Variants in PCDHA9 observed in about 807,000 individuals in gnomAD.
PCDHA9 encodes protocadherin alpha-9.
In PCDHA9, 62 loss-of-function variants were observed where a neutral mutation model predicts 62.0. The ratio of observed to expected loss-of-function variants is 1.00; its 90% CI spans 0.81 to 1.23. PCDHA9 has a LOEUF of 1.23. PCDHA9 is among the 50% of genes most tolerant of loss of function. The pLI, the probability that PCDHA9 is intolerant of heterozygous loss-of-function variation, is 0.00. For missense variants in PCDHA9, 1,205 were observed against 1,249.8 expected (o/e 0.96, Z 0.54); for synonymous variants, 557 against 567.6 (o/e 0.98, Z 0.27).
intron 1 of PCDHA9, among the ~76,000 whole-genome samples, chr5:140,908,047 C>T (rs976734426): frequency 4.6e-5 from 7 of 152,208 alleles, no homozygotes; most frequent in African/African-American, 1.7e-4. Context: ...AATTGCACAT[C>T]CGGCCATTTC....
chr5:140,879,973 C>T (rs1554171113), intron 1 of PCDHA9, among the ~76,000 whole-genome samples: 1 of 152,200 alleles, frequency 6.6e-6, no homozygotes, highest in East Asian at 1.9e-4. Context: ...GGATAAACTC[C>T]TTTCAAGATC....
At chr5:140,856,911 T>C in intron 1 of PCDHA9, 2 of 1,595,928 alleles carry the variant, frequency 1.3e-6, no homozygotes, top group South Asian at 2.2e-5. Context: ...CCACCCACGA[T>C]AAGAAGGAAA....
intron 1 of PCDHA9, chr5:140,856,396 C>G: frequency 6.3e-7 from 1 of 1,598,526 alleles, no homozygotes. Flanking sequence ...TGCAGGTTTT[C>G]CATGTGGACG....
chr5:140,945,948 C>T (rs782232521), intron 1 of PCDHA9, among the ~76,000 whole-genome samples: 6 of 151,900 alleles, frequency 3.9e-5, no homozygotes, highest in Non-Finnish European at 5.9e-5. Context: ...TTTTATATGA[C>T]CCTGAAAGCA....
intron 1 of PCDHA9, chr5:140,869,090 C>G (rs150845602): frequency 1.3e-6 from 2 of 1,589,674 alleles, no homozygotes; most frequent in African/African-American, 1.4e-5. Context: ...TTTTGGAAGC[C>G]AATTTCGTAT....
chr5:140,911,745 A>G (rs573838491), intron 1 of PCDHA9, among the ~76,000 whole-genome samples: 7 of 151,408 alleles, frequency 4.6e-5, no homozygotes, highest in Non-Finnish European at 1.0e-4. Flanking sequence ...AAGGACTATC[A>G]GTGTTCTCCA....
chr5:140,894,293 T>A (rs782004160), intron 1 of PCDHA9, among the ~76,000 whole-genome samples: 1 of 152,100 alleles, frequency 6.6e-6, no homozygotes, highest in Non-Finnish European at 1.5e-5. Context: ...TGAAGTTTAT[T>A]TTCCTGGAAA....
At chr5:140,925,690 G>A (rs1029124411) in intron 1 of PCDHA9, among the ~76,000 whole-genome samples, 6 of 149,642 alleles carry the variant, frequency 4.0e-5, no homozygotes, top group African/African-American at 7.4e-5. Context: ...GCGAGGGTGG[G>A]TATCTAGCCT....
At chr5:140,971,958 C>CT (rs1176007834) in intron 1 of PCDHA9, among the ~76,000 whole-genome samples, 3 of 152,054 alleles carry the variant, frequency 2.0e-5, no homozygotes, top group African/African-American at 4.8e-5. Context: ...ACTCCAAAAA[C>CT]TTTTTTTCAA....
intron 1 of PCDHA9, chr5:140,875,768 G>A (rs997656321): frequency 6.2e-7 from 1 of 1,614,262 alleles, no homozygotes; most frequent in Non-Finnish European, 8.5e-7. Context: ...TGCGGGCGGA[G>A]CGCGGAGTGC....
At chr5:140,887,431 A>C (rs2061444829) in intron 1 of PCDHA9, among the ~76,000 whole-genome samples, 1 of 152,112 alleles carries the variant, frequency 6.6e-6, no homozygotes, top group African/African-American at 2.4e-5. Context: ...AAGTATTTTC[A>C]CTGGGCATAG....
chr5:140,902,203 CTTT>C lies in PCDHA9; in HGVS notation c.2394+51330_2394+51332del, dbSNP rs148688132. ...TTATGTCTTCTCTCTCTCTCTCTTT[CTTT>C]TTTTTTTTTTTTTTTGAGATGAGGA... On this transcript the variant is annotated intron_variant, in intron 1 of 3. Coordinates refer to ENST00000532602, the MANE Select transcript of PCDHA9 (RefSeq NM_031857.2). Among the ~76,000 whole-genome samples, 328 of 124,424 alleles carry C rather than the reference CTTT, an allele frequency of 2.6e-3. 2 individuals are homozygous for C. Among genetic ancestry groups the C allele is most frequent in the Middle Eastern group, 0.017 (4 of 242 alleles). 81.6% of individuals were successfully genotyped at this position (124,424 alleles called of 152,430 possible).
At chr5:140,938,133 A>G (rs2091933876) in intron 1 of PCDHA9, among the ~76,000 whole-genome samples, 1 of 152,268 alleles carries the variant, frequency 6.6e-6, no homozygotes, top group South Asian at 2.1e-4. Context: ...AAAAATAGAG[A>G]TAGAGTCTCA....
intron 1 of PCDHA9, among the ~76,000 whole-genome samples, chr5:140,925,206 G>C (rs576558414): frequency 6.6e-6 from 1 of 152,116 alleles, no homozygotes; most frequent in African/African-American, 2.4e-5. Context: ...AATAATTATC[G>C]ATACTTTTAG....
At chr5:140,924,898 AAAAAAAAT>A (rs781900915) in intron 1 of PCDHA9, among the ~76,000 whole-genome samples, 16 of 53,028 alleles carry the variant, frequency 3.0e-4, no homozygotes, top group Non-Finnish European at 6.0e-4. Context: ...CTGTCTCAAA[AAAAAAAAT>A]AAAATAAAAT....
In PCDHA9 at chr5:140,850,398, C is replaced by T; in HGVS notation, c.1903C>T (p.Arg635Cys). 1.3e-6 allele frequency: 2 copies of T among 1,597,936 alleles called. No individual in the cohort carries two copies. Among genetic ancestry groups the T allele is most frequent in the Non-Finnish European group, 1.7e-6 (2 of 1,167,710 alleles). Residue 635 changes from arginine (R) to cysteine (C), a missense_variant, in exon 1 of 4, where the codon CGT becomes TGT. By Grantham distance (180) the Arg-to-Cys change is radical. Transcript: ENST00000532602. ...GLYTGEISTTRALDETDAPRQ... is the reference protein window; with the variant it reads ...GLYTGEISTTCALDETDAPRQ... ...GTACACGGGCGAGATCAGCACAACGCGTGCCCTGGACGAAACGGACGCACC... is the reference window on the plus strand; with the variant it reads ...GTACACGGGCGAGATCAGCACAACGTGTGCCCTGGACGAAACGGACGCACC...
rs1038789772 is a variant in PCDHA9, at chr5:140,894,031, G to C, written c.2394+43142G>C. On this transcript the variant is annotated intron_variant, in intron 1 of 3. Transcript: ENST00000532602. ...TTCAAATTACCAGTTCTGCATACTG[G>C]TAATGTAAGTCCTCTGTTGAATTGA... Among the ~76,000 whole-genome samples, 3 of 152,204 alleles carry C rather than the reference G, an allele frequency of 2.0e-5. No homozygotes were observed. In the South Asian group the frequency reaches 6.2e-4, roughly 32 times the overall value.
chr5:140,953,601 C>T (rs1448878513), intron 1 of PCDHA9, among the ~76,000 whole-genome samples: 3 of 152,014 alleles, frequency 2.0e-5, no homozygotes, highest in Non-Finnish European at 4.4e-5. Flanking sequence ...TTGTTTATTC[C>T]CCAGAGTCCT....
Position 140,978,839 on chromosome 5 carries a change from C to CT in PCDHA9, c.2395-104dup, listed in dbSNP as rs5871758. On this transcript the variant is annotated intron_variant, in intron 1 of 3. Transcript: ENST00000532602. ...TACACATGAAATGGCTCATTCAATA[C>CT]TTTTTTAGATGCCTGGAAATATTTA... 14,607 of 1,556,970 alleles carry CT rather than the reference C, an allele frequency of 9.4e-3. 629 individuals carry two copies. The African/African-American group carries it at 0.12, about 13-fold the overall frequency.
Sources: gnomAD v4.1 joint callset for allele counts (sites outside exome capture counted in the v4.1 genomes callset) on GRCh38, gnomAD v4.1.1 for gene constraint, MANE v1.5 for transcripts, NCBI Gene and HGNC (gene_info 2026-07-23, HGNC 2026-07-21) for gene names.